The following TEX10 variants were observed in gnomAD, a reference collection of about 807,000 sequenced individuals.
The protein encoded by TEX10 is testis-expressed protein 10.
In TEX10, 24 loss-of-function variants were observed where a neutral mutation model predicts 104.4. The observed-to-expected ratio is 0.23, with a 90% CI of 0.17 to 0.32. TEX10 has a LOEUF of 0.32. TEX10 is among the 10% of genes least tolerant of loss of function. TEX10 has a pLI of 1.00. For synonymous variants in TEX10, 396 were observed against 393.4 expected, an observed-to-expected ratio of 1.01 and a Z score of -0.08; for missense variants, 921 against 1,083.9, an observed-to-expected ratio of 0.85 and a Z score of 2.11.
In TEX10 at chr9:100,302,090, A is replaced by G. The variant is rs189132127; in HGVS notation, c.*101T>C. 2.3e-5 allele frequency: 16 copies of G among 695,228 alleles called. No homozygotes were observed. The highest frequency in any genetic ancestry group is 3.4e-5 in the Non-Finnish European group (15 of 435,984). 43.1% of individuals were successfully genotyped at this position (695,228 alleles called of 1,614,324 possible). A position where few individuals can be genotyped will look rare whatever the true frequency, so the allele number is the denominator to read the frequency against. ...AGAAAGAAGGTTCGTAAACTTCTTT[A>G]AAAGTTCAGCTTTAATGACAAAGAT... On this transcript the variant is annotated 3_prime_UTR_variant, in exon 15 of 15. Coordinates refer to ENST00000374902, the MANE Select transcript of TEX10 (RefSeq NM_017746.4).
chr9:100,319,579 T>C (rs1588170757), intron 11 of TEX10, among the ~76,000 whole-genome samples: 1 of 151,900 alleles, frequency 6.6e-6, no homozygotes, highest in African/African-American at 2.4e-5. Flanking sequence ...CTGAGGCTGG[T>C]GGATCACCTA....
At chr9:100,339,967 C>G (rs1300602505) in intron 5 of TEX10, among the ~76,000 whole-genome samples, 1 of 152,020 alleles carries the variant, frequency 6.6e-6, no homozygotes, top group Non-Finnish European at 1.5e-5. Flanking sequence ...GTGCCTCACC[C>G]AAATAAACCA....
chr9:100,303,325 T>A (rs1834054961), intron 14 of TEX10, among the ~76,000 whole-genome samples: 1 of 152,188 alleles, frequency 6.6e-6, no homozygotes, highest in African/African-American at 2.4e-5. Flanking sequence ...TATCACAGTC[T>A]AGGTAGGAAT....
intron 3 of TEX10, 46 bp from the exon 4 acceptor site, chr9:100,346,361 T>C (rs1194656313): frequency 6.4e-7 from 1 of 1,551,722 alleles, no homozygotes; most frequent in Non-Finnish European, 8.7e-7. Context: ...AAAAAATGTT[T>C]ATTATCCCTT....
chr9:100,337,552 A>G (rs1167216151), intron 5 of TEX10, among the ~76,000 whole-genome samples: 1 of 152,222 alleles, frequency 6.6e-6, no homozygotes, highest in Non-Finnish European at 1.5e-5. Flanking sequence ...ATCTTGCTCA[A>G]TAAAGTGTCT....
intron 14 of TEX10, among the ~76,000 whole-genome samples, chr9:100,302,967 C>T (rs1834041897): frequency 1.4e-5 from 2 of 140,062 alleles, no homozygotes; most frequent in Admixed American, 1.5e-4. Flanking sequence ...GAATCCTAAA[C>T]AACAGAGCTG....
At chr9:100,312,943 T>A (rs982118569) in intron 11 of TEX10, among the ~76,000 whole-genome samples, 2 of 152,118 alleles carry the variant, frequency 1.3e-5, no homozygotes, top group African/African-American at 4.8e-5. Flanking sequence ...AAGTTAAATA[T>A]CTATAAAAGA....
chr9:100,346,621 A>G, intron 3 of TEX10, 73 bp downstream of exon 3: 1 of 1,446,994 alleles, frequency 6.9e-7, no homozygotes, highest in Non-Finnish European at 9.4e-7. Flanking sequence ...TCTTCCCACC[A>G]ACAGTCATCA....
chr9:100,350,023 C>A (rs1053660810), intron 1 of TEX10, among the ~76,000 whole-genome samples: 2 of 151,970 alleles, frequency 1.3e-5, no homozygotes, highest in Admixed American at 1.3e-4. Context: ...CCCCTTGGTC[C>A]CCAAAAAGGA....
intron 11 of TEX10, among the ~76,000 whole-genome samples, chr9:100,312,006 A>T (rs187148020): frequency 2.4e-3 from 373 of 152,266 alleles, no homozygotes; most frequent in Non-Finnish European, 4.0e-3. Context: ...AGATCTATAC[A>T]TTATTTCTCT....
chr9:100,308,410 A>G, intron 13 of TEX10, 90 bp downstream of exon 13: 1 of 1,160,314 alleles, frequency 8.6e-7, no homozygotes, highest in Non-Finnish European at 1.2e-6. Flanking sequence ...TATCTGTATA[A>G]CCTAATTATC....
chr9:100,315,203 A>G (rs1430552969), intron 11 of TEX10, among the ~76,000 whole-genome samples: 2 of 152,160 alleles, frequency 1.3e-5, no homozygotes, highest in Non-Finnish European at 1.5e-5. Context: ...AGGTAGTTCT[A>G]TGTGATGATG....
chr9:100,327,897 G>A lies in TEX10; in HGVS notation c.1691C>T (p.Ser564Phe), dbSNP rs1167789329. Residue 564 changes from serine (S) to phenylalanine (F), a missense_variant, in exon 8 of 15, where the codon TCC becomes TTC. This residue lies in a region of TEX10 where 753 missense variants were observed against 868.4 expected (regional missense o/e 0.87). Coordinates refer to ENST00000374902, the MANE Select transcript of TEX10 (RefSeq NM_017746.4). ...CTGTGTAGAGAGCTCAGGATTTCGG[G>A]AGCCAAGATGAGCAAGTTGCAATGG... ...GLPLQLAHLGSRNPELSTQLI... is the reference protein window; with the variant it reads ...GLPLQLAHLGFRNPELSTQLI... 1.9e-6 allele frequency: 3 copies of A among 1,600,968 alleles called. No individual in the cohort carries two copies. Among genetic ancestry groups the A allele is most frequent in the Non-Finnish European group, 2.6e-6 (3 of 1,171,248 alleles).
intron 11 of TEX10, among the ~76,000 whole-genome samples, chr9:100,313,222 TAAGA>T (rs1418501717): frequency 1.3e-5 from 2 of 152,014 alleles, no homozygotes; most frequent in Non-Finnish European, 2.9e-5. Flanking sequence ...CTTTCAACAT[TAAGA>T]AATAGTGGCC....
intron 13 of TEX10, 80 bp downstream of exon 13, chr9:100,308,420 C>T (rs1190478191): frequency 5.5e-6 from 7 of 1,266,980 alleles, no homozygotes; most frequent in Non-Finnish European, 7.5e-6. Flanking sequence ...ACCTAATTAT[C>T]TTTAACTGTC....
intron 11 of TEX10, among the ~76,000 whole-genome samples, chr9:100,318,676 T>C (rs1216458709): frequency 1.3e-5 from 2 of 152,262 alleles, no homozygotes; most frequent in Non-Finnish European, 2.9e-5. Context: ...TATTAATGTT[T>C]GTGATACTGT....
At chr9:100,314,946 A>G (rs1834378115) in intron 11 of TEX10, among the ~76,000 whole-genome samples, 1 of 152,000 alleles carries the variant, frequency 6.6e-6, no homozygotes, top group South Asian at 2.1e-4. Flanking sequence ...AATGTTTTGA[A>G]TTTCTATTTT....
chr9:100,313,540 GA>G (rs962646842), intron 11 of TEX10, among the ~76,000 whole-genome samples: 11 of 149,664 alleles, frequency 7.3e-5, no homozygotes, highest in African/African-American at 2.7e-4. Flanking sequence ...AAAAGAAAAA[GA>G]AAAAAATTTA....
In TEX10 at chr9:100,310,338, C is replaced by G; in HGVS notation, c.2244G>C (p.Gln748His). ...HSLLVIPARS[Q>H]NFDILQSAIS... ...TGGCACTTTGCAAGATGTCAAAGTTCTGACTTCGGGCAGGAATAACCAATA... is the reference window on the plus strand; with the variant it reads ...TGGCACTTTGCAAGATGTCAAAGTTGTGACTTCGGGCAGGAATAACCAATA... The change falls in exon 12 of 15, where the codon CAG becomes CAC. Residue 748 changes from glutamine to histidine, a missense_variant. Physicochemically the swap from Gln to His is conservative, Grantham distance 24. Transcript: ENST00000374902. The G allele has an allele frequency of 6.2e-7, 1 of 1,614,100 alleles. No individual in the cohort carries two copies. Among genetic ancestry groups the G allele is most frequent in the South Asian group, 1.1e-5 (1 of 91,050 alleles).
Sources: allele counts gnomAD v4.1 joint callset (sites outside exome capture counted in the v4.1 genomes callset), GRCh38; gene constraint gnomAD v4.1.1; regional missense constraint gnomAD v4.1.1; transcripts MANE v1.5; gene names NCBI Gene and HGNC (gene_info 2026-07-23, HGNC 2026-07-21).